Variants in CFAP91 observed in about 807,000 individuals in gnomAD.
CFAP91 encodes cilia and flagella associated protein 91.
CFAP91 carries 85 observed loss-of-function variants against 95.9 expected under a neutral mutation model. The ratio of observed to expected loss-of-function variants is 0.89; its 90% CI spans 0.74 to 1.06. The LOEUF (loss-of-function observed/expected upper bound fraction) is 1.06, where lower values mean the gene tolerates loss of function less well. CFAP91 is among the 50% of genes least tolerant of loss of function. CFAP91 has a pLI of 0.00. For missense variants in CFAP91, 962 were observed against 943.4 expected, an observed-to-expected ratio of 1.02 and a Z score of -0.26; for synonymous variants, 335 against 327.5, an observed-to-expected ratio of 1.02 and a Z score of -0.25.
rs918005103 is a variant in CFAP91, at chr3:119,759,957, A to G, written c.*2-5095A>G. On this transcript the variant is annotated intron_variant, in intron 17 of 17. Coordinates refer to ENST00000273390, the MANE Select transcript of CFAP91 (RefSeq NM_033364.4). ...TAATTACAAAGGAATACAGCAAGAG[A>G]GGAAGAAAGGAATAAGGACCTACAA... Among the ~76,000 whole-genome samples the G allele has an allele frequency of 3.3e-5, 5 of 152,008 alleles. No individual in the cohort carries two copies. The South Asian group carries it at 8.3e-4, about 25-fold the overall frequency.
intron 16 of CFAP91, chr3:119,750,535 A>T (rs2054306149): frequency 5.1e-6 from 1 of 195,222 alleles, no homozygotes; most frequent in South Asian, 9.0e-5. Flanking sequence ...TTATATTTGT[A>T]AGTTACTTAC....
chr3:119,726,032 C>T (rs1243280943), intron 6 of CFAP91, 139 bp from the exon 7 acceptor site: 2 of 606,864 alleles, frequency 3.3e-6, no homozygotes, highest in Non-Finnish European at 5.4e-6. Context: ...CATCTAGAGG[C>T]TGTTCCCTAA....
intron 1 of CFAP91, among the ~76,000 whole-genome samples, chr3:119,704,037 C>T (rs1450758565): frequency 1.3e-5 from 2 of 152,334 alleles, no homozygotes; most frequent in East Asian, 3.9e-4. Context: ...ATCCCAGTCT[C>T]CTTTGTGTGG....
At chr3:119,737,316 A>G in intron 10 of CFAP91, 50 bp from the exon 11 acceptor site, 1 of 1,178,488 alleles carries the variant, frequency 8.5e-7, no homozygotes, top group Non-Finnish European at 1.2e-6. Flanking sequence ...TCTTAAATTT[A>G]TGCAAATTTT....
intron 17 of CFAP91, among the ~76,000 whole-genome samples, chr3:119,763,422 A>G (rs1383769497): frequency 1.3e-5 from 2 of 152,088 alleles, no homozygotes; most frequent in African/African-American, 4.8e-5. Context: ...TCCTCAAAAA[A>G]TAAAAAATAG....
rs150332349 is a variant in CFAP91, at chr3:119,728,888, G to A, written c.861-1332G>A. On this transcript the variant is annotated intron_variant, in intron 7 of 17. Transcript: ENST00000273390. Reference sequence around the variant, plus strand: ...AGTTTTCACTCTTCTAGCCTGGTATGTATCTCCTTGTGCGGGAAATGTCGG... The same window carrying A: ...AGTTTTCACTCTTCTAGCCTGGTATATATCTCCTTGTGCGGGAAATGTCGG... Among the ~76,000 whole-genome samples the A allele has an allele frequency of 1.1e-3, 172 of 152,300 alleles. No homozygotes were observed. The East Asian group carries it at 0.015, about 13-fold the overall frequency.
intron 13 of CFAP91, 49 bp from the exon 14 acceptor site, chr3:119,743,926 C>G (rs765338581): frequency 1.2e-5 from 18 of 1,467,670 alleles, no homozygotes; most frequent in Non-Finnish European, 1.6e-5. Flanking sequence ...CTAATAATCA[C>G]CACTCATAAT....
intron 9 of CFAP91, 40 bp from the exon 10 acceptor site, chr3:119,733,324 T>C: frequency 6.2e-7 from 1 of 1,600,532 alleles, no homozygotes; most frequent in Non-Finnish European, 8.5e-7. Context: ...ATAATAAACG[T>C]AAGCACTGGA....
chr3:119,722,075 A>G (rs2053695150), intron 6 of CFAP91, among the ~76,000 whole-genome samples: 1 of 150,426 alleles, frequency 6.6e-6, no homozygotes. Context: ...CAAGAAGCTG[A>G]TGCAGGATTG....
intron 1 of CFAP91, among the ~76,000 whole-genome samples, chr3:119,704,621 A>G (rs903579281): frequency 1.3e-5 from 2 of 152,204 alleles, no homozygotes; most frequent in African/African-American, 4.8e-5. Context: ...ATACTAAAAA[A>G]TTATTCATTG....
chr3:119,715,647 C>A lies in CFAP91; in HGVS notation c.586C>A (p.Arg196=). 1 of 1,613,250 alleles carries A rather than the reference C, an allele frequency of 6.2e-7. No homozygotes were observed. Among genetic ancestry groups the A allele is most frequent in the Non-Finnish European group, 8.5e-7 (1 of 1,179,182 alleles). Residue 196 remains arginine, a synonymous_variant, in exon 6 of 18, where the codon CGG becomes AGG. Coordinates refer to ENST00000273390, the MANE Select transcript of CFAP91 (RefSeq NM_033364.4). ...KSTVGTQTDY[R]DADVQTDPYS... Reference sequence around the variant, plus strand: ...TACTGTGGGCACTCAGACTGATTATCGGGATGCTGACGTTCAAACAGATCC... The same window carrying A: ...TACTGTGGGCACTCAGACTGATTATAGGGATGCTGACGTTCAAACAGATCC...
At position 119,744,156 on chromosome 3, in the gene CFAP91, A is replaced by G. The variant is rs1255490277; in HGVS notation, c.1862A>G (p.Glu621Gly). ...EAEESGRRQVEKQRLREEDEI... is the reference protein window; with the variant it reads ...EAEESGRRQVGKQRLREEDEI... The stretch of plus-strand genomic sequence containing the variant: ...GAAGAGAGTGGTCGGCGCCAGGTGG[A>G]AAAACAGCGCCTGCGGGAGGAGGAC... The change falls in exon 14 of 18, where the codon GAA (glutamate) becomes GGA (glycine). Residue 621 changes from glutamate to glycine, a missense_variant. Coordinates refer to ENST00000273390, the MANE Select transcript of CFAP91 (RefSeq NM_033364.4). 1 of 1,613,188 alleles carries G rather than the reference A, an allele frequency of 6.2e-7. No individual in the cohort carries two copies. The highest frequency in any genetic ancestry group is 1.7e-5 in the Admixed American group (1 of 59,946).
intron 14 of CFAP91, 67 bp downstream of exon 14, chr3:119,744,263 A>G: frequency 8.0e-7 from 1 of 1,253,186 alleles, no homozygotes; most frequent in Non-Finnish European, 1.1e-6. Flanking sequence ...AAGGAAGCTC[A>G]TGACATAAAA....
chr3:119,710,066 CAG>C (rs1241593249), intron 5 of CFAP91, 171 bp downstream of exon 5: 3 of 590,636 alleles, frequency 5.1e-6, no homozygotes, highest in Non-Finnish European at 8.9e-6. Flanking sequence ...AAACATGAAA[CAG>C]AATAGAAAAT....
intron 9 of CFAP91, among the ~76,000 whole-genome samples, chr3:119,732,836 T>C (rs758649154): frequency 1.2e-4 from 19 of 152,280 alleles, no homozygotes; most frequent in Middle Eastern, 6.8e-3. Flanking sequence ...AAAAAACTAG[T>C]GGGCAAGAGG....
chr3:119,703,439 G>A (rs1053082431), intron 1 of CFAP91, among the ~76,000 whole-genome samples: 1 of 152,232 alleles, frequency 6.6e-6, no homozygotes, highest in African/African-American at 2.4e-5. Flanking sequence ...CGAAAGGCGC[G>A]GGTGCGCTCC....
intron 17 of CFAP91, among the ~76,000 whole-genome samples, chr3:119,754,240 G>T (rs2054381122): frequency 1.3e-5 from 2 of 152,220 alleles, no homozygotes; most frequent in Admixed American, 6.5e-5. Context: ...CTGTGTTCTA[G>T]TGTTTTATGG....
chr3:119,745,776 A>G (rs942897748), intron 14 of CFAP91, among the ~76,000 whole-genome samples: 5 of 152,142 alleles, frequency 3.3e-5, no homozygotes, highest in Non-Finnish European at 7.4e-5. Flanking sequence ...TTGGTTGGTT[A>G]GTTGTTTGGT....
intron 12 of CFAP91, among the ~76,000 whole-genome samples, chr3:119,740,312 T>G (rs1200515728): frequency 6.6e-6 from 1 of 152,236 alleles, no homozygotes; most frequent in Non-Finnish European, 1.5e-5. Context: ...TGAGAGGCAT[T>G]CTCAGAAATT....
Sources: allele counts gnomAD v4.1 joint callset (sites outside exome capture counted in the v4.1 genomes callset), GRCh38; gene constraint gnomAD v4.1.1; transcripts MANE v1.5; gene names NCBI Gene and HGNC (gene_info 2026-07-23, HGNC 2026-07-21).